GALK2: variants seen among roughly 807,000 people sequenced by gnomAD.
GALK2 encodes the protein galactokinase 2.
Under a neutral mutation model 52.4 loss-of-function variants are expected in GALK2, and 36 were observed. The ratio of observed to expected loss-of-function variants is 0.69; its 90% CI spans 0.53 to 0.91. GALK2 has a LOEUF of 0.91. GALK2 is among the 40% of genes least tolerant of loss of function. GALK2 has a pLI of 0.00. For missense variants in GALK2, 579 were observed against 559.1 expected (o/e 1.04, Z -0.36); for synonymous variants, 176 against 199.1 (o/e 0.88, Z 0.98).
chr15:49,283,784 C>T, intron 7 of GALK2, 66 bp downstream of exon 7: 1 of 1,533,382 alleles, frequency 6.5e-7, no homozygotes, highest in Admixed American at 1.8e-5. Flanking sequence ...TCATTGTTCT[C>T]TATTACTTTA....
chr15:49,258,788 A>ATG (rs1468439517), intron 5 of GALK2, among the ~76,000 whole-genome samples: 81 of 113,518 alleles, frequency 7.1e-4, no homozygotes, highest in African/African-American at 1.6e-3. Flanking sequence ...ATATATATAT[A>ATG]TATATATGTG....
chr15:49,170,900 G>C (rs915598346), intron 1 of GALK2, among the ~76,000 whole-genome samples: 1 of 151,964 alleles, frequency 6.6e-6, no homozygotes, highest in Non-Finnish European at 1.5e-5. Context: ...GTGATGTCTC[G>C]GGGAGGATCT....
intron 3 of GALK2, among the ~76,000 whole-genome samples, chr15:49,234,889 C>A (rs1401269049): frequency 1.3e-5 from 2 of 152,088 alleles, no homozygotes; most frequent in African/African-American, 2.4e-5. Flanking sequence ...GCCTCAGCCT[C>A]CTGAGTAGCT....
intron 3 of GALK2, chr15:49,367,458 A>G (rs1368266782): frequency 6.3e-7 from 1 of 1,579,518 alleles, no homozygotes; most frequent in East Asian, 2.3e-5. Flanking sequence ...GGTTCCTGGA[A>G]TATCTTAGTG....
At chr15:49,193,466 A>G (rs1314966535) in intron 1 of GALK2, among the ~76,000 whole-genome samples, 1 of 151,612 alleles carries the variant, frequency 6.6e-6, no homozygotes, top group Admixed American at 6.6e-5. Context: ...TAAATGTTTT[A>G]AAACATTTTT....
chr15:49,365,076 C>T (rs772633537), intron 3 of GALK2: 4 of 597,178 alleles, frequency 6.7e-6, no homozygotes, highest in Non-Finnish European at 1.2e-5. Context: ...AAGTCAAAGT[C>T]TATTTGTAGA....
At chr15:49,192,485 G>GTATATATATATATATATATATATATA (rs58230206) in intron 1 of GALK2, among the ~76,000 whole-genome samples, 1 of 102,976 alleles carries the variant, frequency 9.7e-6, no homozygotes, top group African/African-American at 4.1e-5. Flanking sequence ...ATATATATAT[G>GTATATATATATATATATATATATATA]TATATATATA....
At chr15:49,223,980 A>G (rs887476794) in intron 3 of GALK2, among the ~76,000 whole-genome samples, 1 of 151,908 alleles carries the variant, frequency 6.6e-6, no homozygotes, top group Non-Finnish European at 1.5e-5. Flanking sequence ...TGCTTTCCAC[A>G]GTGGCTGAAC....
chr15:49,170,182 A>T, upstream of GALK2: 2 of 1,473,082 alleles, frequency 1.4e-6, no homozygotes, highest in East Asian at 2.5e-5. Flanking sequence ...CAGCCACCTC[A>T]GCGAAGCTGC....
intron 3 of GALK2, among the ~76,000 whole-genome samples, chr15:49,345,939 C>G (rs2041414041): frequency 6.6e-6 from 1 of 152,032 alleles, no homozygotes; most frequent in African/African-American, 2.4e-5. Flanking sequence ...AAGAATGGCC[C>G]AGGGGCAAAT....
chr15:49,265,374 C>G (rs1035113862), intron 5 of GALK2, among the ~76,000 whole-genome samples: 1 of 152,216 alleles, frequency 6.6e-6, no homozygotes, highest in African/African-American at 2.4e-5. Context: ...ACCCTCTGAG[C>G]CAGGTGCAGG....
At chr15:49,206,285 T>C (rs1389287863) in intron 2 of GALK2, among the ~76,000 whole-genome samples, 2 of 151,736 alleles carry the variant, frequency 1.3e-5, no homozygotes, top group Non-Finnish European at 2.9e-5. Context: ...TTAGGGTACA[T>C]GTGCACAATG....
chr15:49,229,472 G>C (rs895585756), intron 3 of GALK2, among the ~76,000 whole-genome samples: 2 of 152,200 alleles, frequency 1.3e-5, no homozygotes, highest in Non-Finnish European at 2.9e-5. Flanking sequence ...TGTGCCACAG[G>C]TGTTGCATGC....
At chr15:49,363,356 T>C (rs548579923) in intron 3 of GALK2, among the ~76,000 whole-genome samples, 2 of 152,334 alleles carry the variant, frequency 1.3e-5, no homozygotes, top group South Asian at 4.1e-4. Flanking sequence ...GTTAGCTGTA[T>C]TCCTAGGTAT....
intron 2 of GALK2, among the ~76,000 whole-genome samples, chr15:49,210,652 GCTGGTCGCGAACTC>G: frequency 6.6e-6 from 1 of 152,008 alleles, no homozygotes; most frequent in East Asian, 1.9e-4. Context: ...CGAAGGCCAG[GCTGGTCGCGAACTC>G]CTGACCTCAG....
At chr15:49,367,369 C>T (rs2045382626) in intron 3 of GALK2, 1 of 1,236,452 alleles carries the variant, frequency 8.1e-7, no homozygotes. Context: ...ATTTGTTTCT[C>T]AATTGAGACA....
chr15:49,299,784 T>TTTCTTTCTTTCC (rs1567037764), intron 8 of GALK2, among the ~76,000 whole-genome samples: 3 of 140,160 alleles, frequency 2.1e-5, no homozygotes, highest in East Asian at 2.1e-4. Flanking sequence ...TCTTTCTTTC[T>TTTCTTTCTTTCC]TTCTTTCTTT....
Position 49,329,284 on chromosome 15 carries a change from A to C in GALK2, c.*1125A>C. ...AATGTTTGGCTGGTGATGGCAAATG[A>C]CTGGCTTTCTCTTGTGGATGGACTA... is the stretch of plus-strand genomic sequence containing the variant. On this transcript the variant is annotated 3_prime_UTR_variant, in exon 10 of 10. Transcript: ENST00000560031. The C allele has an allele frequency of 2.0e-6, 2 of 985,492 alleles. No individual in the cohort carries two copies. The highest frequency in any genetic ancestry group is 2.4e-6 in the Non-Finnish European group (2 of 829,970). The allele number at this position is 985,492 out of a possible 1,614,324, so 61.0% of individuals were successfully genotyped here. A position where few individuals can be genotyped will look rare whatever the true frequency, so the allele number is the denominator to read the frequency against.
At chr15:49,364,183 G>A (rs979607093) in intron 3 of GALK2, among the ~76,000 whole-genome samples, 1 of 152,140 alleles carries the variant, frequency 6.6e-6, no homozygotes, top group Non-Finnish European at 1.5e-5. Context: ...GTTTCAGTAG[G>A]AATGGTACCA....
Sources: allele counts gnomAD v4.1 joint callset (sites outside exome capture counted in the v4.1 genomes callset), GRCh38; gene constraint gnomAD v4.1.1; transcripts MANE v1.5; gene names NCBI Gene and HGNC (gene_info 2026-07-23, HGNC 2026-07-21).